Variants in TSHZ2 observed in about 807,000 individuals in gnomAD.
The protein encoded by TSHZ2 is teashirt zinc finger homeobox 2.
A neutral mutation model predicts 74.4 loss-of-function variants in TSHZ2; 21 were observed. That is an observed-to-expected ratio of 0.28 (90% CI 0.20 to 0.41). The LOEUF (loss-of-function observed/expected upper bound fraction) is 0.41. Ranked by LOEUF, TSHZ2 falls within the 10% of genes least tolerant of loss-of-function variation. TSHZ2 has a pLI of 1.00. For synonymous variants in TSHZ2, 540 were observed against 515.3 expected (o/e 1.05, Z -0.65); for missense variants, 1,244 against 1,293.5 (o/e 0.96, Z 0.59).
At chr20:53,190,123 A>ATTT (rs1988699122) in intron 1 of TSHZ2, among the ~76,000 whole-genome samples, 1 of 88,912 alleles carries the variant, frequency 1.1e-5, no homozygotes, top group African/African-American at 4.7e-5. Context: ...ATATATATAT[A>ATTT]TATATATATA....
intron 2 of TSHZ2, among the ~76,000 whole-genome samples, chr20:53,365,680 A>G (rs1981233948): frequency 6.6e-6 from 1 of 152,232 alleles, no homozygotes; most frequent in African/African-American, 2.4e-5. Flanking sequence ...GGCAATGCTT[A>G]CTCTACCATG....
At chr20:53,107,105 A>T (rs17331292) in intron 1 of TSHZ2, among the ~76,000 whole-genome samples, 1 of 152,128 alleles carries the variant, frequency 6.6e-6, no homozygotes, top group Non-Finnish European at 1.5e-5. Context: ...TGCCCAGAAC[A>T]GGCCCTAGAA....
intron 1 of TSHZ2, among the ~76,000 whole-genome samples, chr20:53,177,020 TTATTGTAGAAATTA>T (rs1988359256): frequency 6.6e-6 from 1 of 152,132 alleles, no homozygotes; most frequent in Admixed American, 6.5e-5. Context: ...ATTTTTGTTA[TTATTGTAGAAATTA>T]TATTGTAGAA....
chr20:53,354,503 AC>A (rs527412541), intron 2 of TSHZ2, among the ~76,000 whole-genome samples: 279 of 152,362 alleles, frequency 1.8e-3, no homozygotes, highest in Non-Finnish European at 2.5e-3. Flanking sequence ...AAACTGAGCC[AC>A]TGCAAAGCAG....
chr20:53,120,277 G>A (rs1057032037), intron 1 of TSHZ2, among the ~76,000 whole-genome samples: 4 of 152,138 alleles, frequency 2.6e-5, no homozygotes, highest in African/African-American at 9.7e-5. Context: ...AACCTAGTAA[G>A]ATGTCACTCC....
chr20:53,076,473 G>A (rs1238372064), intron 1 of TSHZ2, among the ~76,000 whole-genome samples: 1 of 152,176 alleles, frequency 6.6e-6, no homozygotes, highest in Non-Finnish European at 1.5e-5. Flanking sequence ...ACAATCTAGT[G>A]GGGAAACCAG....
intron 1 of TSHZ2, among the ~76,000 whole-genome samples, chr20:53,009,867 T>G (rs1031075374): frequency 2.0e-5 from 3 of 152,122 alleles, no homozygotes; most frequent in Non-Finnish European, 2.9e-5. Context: ...TTACCCAAAA[T>G]TCCCCCCAAA....
At chr20:53,338,827 G>A (rs2145563698) in intron 2 of TSHZ2, among the ~76,000 whole-genome samples, 1 of 152,346 alleles carries the variant, frequency 6.6e-6, no homozygotes, top group East Asian at 1.9e-4. Context: ...CTGCTCCAGA[G>A]TCCCTGTGAG....
chr20:53,268,892 A>G (rs998972661), intron 2 of TSHZ2, among the ~76,000 whole-genome samples: 1 of 152,234 alleles, frequency 6.6e-6, no homozygotes, highest in African/African-American at 2.4e-5. Flanking sequence ...TTCAAATCCC[A>G]GCAGGGCCAC....
chr20:53,259,881 G>T (rs1233748722), intron 2 of TSHZ2, among the ~76,000 whole-genome samples: 1 of 152,036 alleles, frequency 6.6e-6, no homozygotes, highest in Non-Finnish European at 1.5e-5. Context: ...GCTAAATCTG[G>T]CAACCCTAAC....
At chr20:53,088,974 C>T (rs1489016850) in intron 1 of TSHZ2, among the ~76,000 whole-genome samples, 3 of 152,072 alleles carry the variant, frequency 2.0e-5, no homozygotes, top group South Asian at 2.1e-4. Context: ...TCAGGATGCA[C>T]GTGCTGAGAC....
At chr20:53,177,528 T>C (rs1385574750) in intron 1 of TSHZ2, among the ~76,000 whole-genome samples, 1 of 152,234 alleles carries the variant, frequency 6.6e-6, no homozygotes, top group Non-Finnish European at 1.5e-5. Context: ...GCTTTAGACT[T>C]GCCCTTTAAT....
At chr20:53,214,396 A>G (rs746929969) in intron 1 of TSHZ2, among the ~76,000 whole-genome samples, 7 of 152,128 alleles carry the variant, frequency 4.6e-5, no homozygotes, top group Non-Finnish European at 8.8e-5. Context: ...CTTTCCTAAG[A>G]CTGGTATGGG....
intron 2 of TSHZ2, among the ~76,000 whole-genome samples, chr20:53,428,313 G>A (rs1049850442): frequency 2.0e-5 from 3 of 152,190 alleles, no homozygotes; most frequent in African/African-American, 7.2e-5. Context: ...AATCTTAACT[G>A]TGTACTTTAA....
At chr20:53,389,646 G>A (rs1982178432) in intron 2 of TSHZ2, among the ~76,000 whole-genome samples, 1 of 152,178 alleles carries the variant, frequency 6.6e-6, no homozygotes, top group Non-Finnish European at 1.5e-5. Flanking sequence ...TGCTCTGCTG[G>A]TTGATGTTAT....
rs549955628 is a variant in TSHZ2, at chr20:53,309,826, A to G, written c.*8+53255A>G. On this transcript the variant is annotated intron_variant, in intron 2 of 2. Coordinates refer to ENST00000371497, the MANE Select transcript of TSHZ2 (RefSeq NM_173485.6). ...TTCTGACTTGGAAGGGCATTTGCAG[A>G]CCTTCCTTTAGTGTGCTCTGTGTAA... Among the ~76,000 whole-genome samples, 5 of 152,310 alleles carry G rather than the reference A, an allele frequency of 3.3e-5. No individual in the cohort carries two copies. The East Asian group carries it at 9.6e-4, about 29-fold the overall frequency.
intron 2 of TSHZ2, among the ~76,000 whole-genome samples, chr20:53,325,884 C>T (rs1034002981): frequency 1.1e-4 from 16 of 152,094 alleles, no homozygotes; most frequent in African/African-American, 3.4e-4. Context: ...CAGGTTCAAG[C>T]GATTCTCCTG....
At chr20:53,397,056 T>C (rs1170221857) in intron 2 of TSHZ2, among the ~76,000 whole-genome samples, 1 of 152,172 alleles carries the variant, frequency 6.6e-6, no homozygotes, top group Non-Finnish European at 1.5e-5. Context: ...ATTTAGGACA[T>C]AGGCACGGGC....
chr20:53,200,113 G>T (rs2123570444), intron 1 of TSHZ2, among the ~76,000 whole-genome samples: 1 of 152,322 alleles, frequency 6.6e-6, no homozygotes. Context: ...CGCTTTGCCA[G>T]GGATTGGGTG....
Sources: allele counts gnomAD v4.1 joint callset (sites outside exome capture counted in the v4.1 genomes callset), GRCh38; gene constraint gnomAD v4.1.1; transcripts MANE v1.5; gene names NCBI Gene and HGNC (gene_info 2026-07-23, HGNC 2026-07-21).